STARD13: variants seen among roughly 807,000 people sequenced by gnomAD.
STARD13 encodes the protein stAR-related lipid transfer protein 13.
A neutral mutation model predicts 106.4 loss-of-function variants in STARD13; 62 were observed. That is an observed-to-expected ratio of 0.58 (90% CI 0.48 to 0.72). STARD13 has a LOEUF of 0.72. STARD13 is among the 30% of genes least tolerant of loss of function. STARD13 has a pLI of 0.00. For missense variants in STARD13, 1,387 were observed against 1,424.0 expected (o/e 0.97, Z 0.42); for synonymous variants, 565 against 553.0 (o/e 1.02, Z -0.31).
chr13:33,602,865 C>T, the STARD13 span, among the ~76,000 whole-genome samples: 1 of 152,164 alleles, frequency 6.6e-6, no homozygotes, highest in African/African-American at 2.4e-5. Flanking sequence ...ACAATTTCAT[C>T]TGAAACCATC....
At chr13:33,228,590 C>T (rs908816374) in intron 1 of STARD13, among the ~76,000 whole-genome samples, 2 of 152,156 alleles carry the variant, frequency 1.3e-5, no homozygotes, top group Non-Finnish European at 2.9e-5. Flanking sequence ...TTTGATTCCA[C>T]CAGTATCCCT....
Position 33,129,884 on chromosome 13 carries a change from T to C in STARD13, c.793A>G (p.Thr265Ala). 6.2e-7 allele frequency: 1 copy of C among 1,613,222 alleles called. No homozygotes were observed. Among genetic ancestry groups the C allele is most frequent in the Non-Finnish European group, 8.5e-7 (1 of 1,180,022 alleles). ...CCGTGGGCTCCCTTCCCTCGGAGTGTTTCCATGCGTTTCAAAAATGATTTG... is the reference window on the plus strand; with the variant it reads ...CCGTGGGCTCCCTTCCCTCGGAGTGCTTCCATGCGTTTCAAAAATGATTTG... ...RAKSFLKRMETLRGKGAHGRH... is the reference protein window; with the variant it reads ...RAKSFLKRMEALRGKGAHGRH... The change falls in exon 5 of 14, where the codon ACA becomes GCA. Residue 265 changes from threonine to alanine, a missense_variant. Transcript: ENST00000336934.
At chr13:33,261,610 T>A (rs549573427) in intron 1 of STARD13, among the ~76,000 whole-genome samples, 1 of 152,322 alleles carries the variant, frequency 6.6e-6, no homozygotes, top group Non-Finnish European at 1.5e-5. Context: ...TCAGCATTTA[T>A]ATGCTGACCC....
At position 33,329,242 on chromosome 13, in the gene STARD13, AT is replaced by A. The variant is rs139219751; in HGVS notation, c.124+21047del. Among the ~76,000 whole-genome samples the A allele has an allele frequency of 2.3e-3, 342 of 151,590 alleles. 1 individual carries two copies. The highest frequency in any genetic ancestry group is 3.5e-3 in the Non-Finnish European group (235 of 67,848). ...TATACTAAAGTCATGGAATTACAGG[AT>A]TTTTTTTTGTCTTTTAAATTCTTTG... On this transcript the variant is annotated intron_variant, in intron 1 of 5. Coordinates refer to the STARD13 transcript ENST00000567873.
At chr13:33,214,300 C>T (rs1170820692) in intron 1 of STARD13, among the ~76,000 whole-genome samples, 1 of 152,170 alleles carries the variant, frequency 6.6e-6, no homozygotes, top group East Asian at 1.9e-4. Context: ...TTGAAATAAA[C>T]TTAAAAACCA....
At chr13:33,614,061 C>G in the STARD13 span, among the ~76,000 whole-genome samples, 1 of 152,126 alleles carries the variant, frequency 6.6e-6, no homozygotes, top group African/African-American at 2.4e-5. Flanking sequence ...TTCAGACATC[C>G]CCTTTTGTGG....
chr13:33,451,903 A>G, the STARD13 span, among the ~76,000 whole-genome samples: 1 of 152,372 alleles, frequency 6.6e-6, no homozygotes, highest in Admixed American at 6.5e-5. Flanking sequence ...GAAGTCACTA[A>G]AAGTTGGTAA....
intron 1 of STARD13, among the ~76,000 whole-genome samples, chr13:33,304,209 G>C (rs1294871864): frequency 2.0e-5 from 3 of 152,152 alleles, no homozygotes; most frequent in Non-Finnish European, 4.4e-5. Context: ...TACATGGTTA[G>C]CAAATGTTTT....
chr13:33,499,624 TCTTCTTCTTCTTCTTCTTCTTCTC>T, the STARD13 span, among the ~76,000 whole-genome samples: 210 of 114,586 alleles, frequency 1.8e-3, 16 homozygotes, highest in African/African-American at 9.4e-3. Context: ...TTCTTCTTCT[TCTTCTTCTTCTTCTTCTTCTTCTC>T]CTTCTTCTTC....
intron 3 of STARD13, among the ~76,000 whole-genome samples, chr13:33,153,237 A>G (rs1170071512): frequency 6.6e-6 from 1 of 152,150 alleles, no homozygotes; most frequent in Non-Finnish European, 1.5e-5. Context: ...ACGATATACC[A>G]CTGACTAAGA....
chr13:33,341,433 T>C (rs2077959019), intron 1 of STARD13, among the ~76,000 whole-genome samples: 1 of 152,006 alleles, frequency 6.6e-6, no homozygotes, highest in South Asian at 2.1e-4. Context: ...GGTCAGGATA[T>C]CAAGACCAAC....
rs541871737 is a variant in STARD13, at chr13:33,137,486, G to A, written c.387+4824C>T. 2.0e-4 allele frequency among the ~76,000 whole-genome samples: 31 copies of A among 152,346 alleles called. No individual in the cohort carries two copies. In the South Asian group the frequency reaches 6.0e-3, roughly 30 times the overall value. On this transcript the variant is annotated intron_variant, in intron 4 of 13. Coordinates refer to ENST00000336934, the MANE Select transcript of STARD13 (RefSeq NM_178006.4). ...AGCTAAAGGGCTTCTGAGTGAATGGGGAAATCCATATTCTGTGCTTCACCA... is the reference window on the plus strand; with the variant it reads ...AGCTAAAGGGCTTCTGAGTGAATGGAGAAATCCATATTCTGTGCTTCACCA...
chr13:33,592,071 T>C, the STARD13 span, among the ~76,000 whole-genome samples: 1 of 152,228 alleles, frequency 6.6e-6, no homozygotes, highest in African/African-American at 2.4e-5. Flanking sequence ...AAATCTGGCA[T>C]ACAATTTGTC....
At chr13:33,234,713 G>C (rs1348931024) in intron 1 of STARD13, among the ~76,000 whole-genome samples, 1 of 152,154 alleles carries the variant, frequency 6.6e-6, no homozygotes, top group Non-Finnish European at 1.5e-5. Context: ...TTATATATCA[G>C]TTTCCTGTGT....
rs374823041 is a variant in STARD13, at chr13:33,285,621, G to C, written c.18C>G (p.Pro6=). ...AGTAGCAGCCTGAGGCTGGGGTCCT[G>C]GGCACCTGACTGAACATCTCGGCAG... is the stretch of plus-strand genomic sequence containing the variant. MFSQV[P]RTPASGCYYL... The change falls in exon 1 of 14, where the codon CCC becomes CCG. Residue 6 remains proline, a synonymous_variant. Transcript: ENST00000336934. The C allele has an allele frequency of 1.2e-6, 2 of 1,613,264 alleles. No homozygotes were observed. The highest frequency in any genetic ancestry group is 1.7e-6 in the Non-Finnish European group (2 of 1,179,878).
intron 8 of STARD13, among the ~76,000 whole-genome samples, chr13:33,115,884 A>G (rs9527088): frequency 0.024 from 3,614 of 152,334 alleles, 54 homozygotes; most frequent in Non-Finnish European, 0.04. Context: ...GGGAAAGCCA[A>G]TAGAGGCTGA....
chr13:33,157,614 G>T (rs1444628242), intron 3 of STARD13, among the ~76,000 whole-genome samples: 3 of 152,194 alleles, frequency 2.0e-5, no homozygotes, highest in Non-Finnish European at 4.4e-5. Flanking sequence ...AGGTTGTAGT[G>T]AGCTGAGATT....
At chr13:33,118,543 GTTA>G (rs1251830324) in intron 7 of STARD13, among the ~76,000 whole-genome samples, 8 of 152,276 alleles carry the variant, frequency 5.3e-5, no homozygotes, top group Non-Finnish European at 1.2e-4. Flanking sequence ...CACTGCAGAT[GTTA>G]TTATTATTTT....
intron 1 of STARD13, among the ~76,000 whole-genome samples, chr13:33,303,673 T>C (rs1435680183): frequency 6.6e-6 from 1 of 152,030 alleles, no homozygotes; most frequent in Non-Finnish European, 1.5e-5. Context: ...CAGAGGGAGA[T>C]GAAGGGAGTA....
Sources: allele counts gnomAD v4.1 joint callset (sites outside exome capture counted in the v4.1 genomes callset), GRCh38; gene constraint gnomAD v4.1.1; transcripts MANE v1.5; gene names NCBI Gene and HGNC (gene_info 2026-07-23, HGNC 2026-07-21).